SRRM3: variants seen among roughly 807,000 people sequenced by gnomAD.
SRRM3 encodes the protein serine/arginine repetitive matrix protein 3.
SRRM3 carries 27 observed loss-of-function variants against 66.2 expected under a neutral mutation model. The ratio of observed to expected loss-of-function variants is 0.41; its 90% CI spans 0.30 to 0.56. SRRM3 has a LOEUF of 0.56. Among genes scored for constraint, SRRM3 ranks in the 20% least tolerant of loss-of-function variants. The pLI, the probability that SRRM3 is intolerant of heterozygous loss-of-function variation, is 0.32. For missense variants in SRRM3, 918 were observed against 991.9 expected (o/e 0.93, Z 1.00); for synonymous variants, 391 against 414.9 (o/e 0.94, Z 0.70).
At position 76,281,788 on chromosome 7, in the gene SRRM3, C is replaced by A; in HGVS notation, c.1356C>A (p.Gly452=). The A allele has an allele frequency of 7.2e-7, 1 of 1,384,508 alleles. No individual in the cohort carries two copies. The highest frequency in any genetic ancestry group is 2.7e-4 in the Middle Eastern group (1 of 3,698). 85.8% of individuals were successfully genotyped at this position (1,384,508 alleles called of 1,614,324 possible). A position where few individuals can be genotyped will look rare whatever the true frequency, so the allele number is the denominator to read the frequency against. The change falls in exon 12 of 15, where the codon GGC becomes GGA. Residue 452 remains glycine (G), a synonymous_variant. Transcript: ENST00000611745. ...AGCCCGGCTCTGAGCGAGGCCACGG[C>A]GGACACGGGAAACGGTGAGCGTGCT... ...GPEPGSERGH[G]GHGKRAKERP... is the part of the protein sequence containing the mutation.
At chr7:76,248,875 G>A (rs1554606500) in intron 3 of SRRM3, among the ~76,000 whole-genome samples, 1 of 152,206 alleles carries the variant, frequency 6.6e-6, no homozygotes, top group Non-Finnish European at 1.5e-5. Context: ...AGCTACTTGG[G>A]AGGCTGAGGC....
Position 76,248,081 on chromosome 7 carries a change from T to C in SRRM3, c.234-107T>C, listed in dbSNP as rs946795257. ...TTGGACAGGTTATTGCAAGCCGGAG[T>C]GTGCACTTGTGACCCAGGGGTTGGC... On this transcript the variant is annotated intron_variant, in intron 2 of 14. Coordinates refer to ENST00000611745, the MANE Select transcript of SRRM3 (RefSeq NM_001110199.3). The C allele has an allele frequency of 2.5e-4, 188 of 766,862 alleles. 2 individuals carry two copies. The highest frequency in any genetic ancestry group is 4.9e-5 in the Non-Finnish European group (22 of 447,170). The allele number at this position is 766,862 out of a possible 1,614,324, so 47.5% of individuals were successfully genotyped here. A position where few individuals can be genotyped will look rare whatever the true frequency, so the allele number is the denominator to read the frequency against.
chr7:76,251,106 G>A (rs967445035), intron 3 of SRRM3, among the ~76,000 whole-genome samples: 6 of 152,206 alleles, frequency 3.9e-5, no homozygotes, highest in Admixed American at 6.5e-5. Flanking sequence ...GCGTGCTGCC[G>A]GCAGTCTCTA....
chr7:76,212,748 C>T (rs782006160), intron 1 of SRRM3, among the ~76,000 whole-genome samples: 5 of 152,118 alleles, frequency 3.3e-5, no homozygotes, highest in Non-Finnish European at 5.9e-5. Flanking sequence ...GGATTACAGG[C>T]GTGAGCCACT....
At chr7:76,265,849 TA>T (rs1563634559) in intron 10 of SRRM3, among the ~76,000 whole-genome samples, 346 of 10,518 alleles carry the variant, frequency 0.033, 9 homozygotes, top group East Asian at 0.041. Flanking sequence ...TATATATATA[TA>T]TATATATATT....
At position 76,235,265 on chromosome 7, in the gene SRRM3, T is replaced by G; in HGVS notation, c.199T>G (p.Cys67Gly). The G allele has an allele frequency of 6.5e-7, 1 of 1,536,340 alleles. No homozygotes were observed. The highest frequency in any genetic ancestry group is 8.7e-7 in the Non-Finnish European group (1 of 1,148,882). Residue 67 changes from cysteine to glycine, a missense_variant, in exon 2 of 15, where the codon TGC becomes GGC. By Grantham distance (159) the Cys-to-Gly change is radical (BLOSUM62 -3). Transcript: ENST00000611745. ...HERKRRVELK[C>G]MELQEMMEEQ... is the part of the protein sequence containing the mutation. Reference sequence around the variant, plus strand: ...GCGCAAGCGGCGGGTGGAGCTCAAGTGCATGGAGCTGCAGGAGATGATGGA... The same window carrying G: ...GCGCAAGCGGCGGGTGGAGCTCAAGGGCATGGAGCTGCAGGAGATGATGGA...
At chr7:76,282,248 T>C (rs1583946554) in intron 12 of SRRM3, among the ~76,000 whole-genome samples, 1 of 32,384 alleles carries the variant, frequency 3.1e-5, no homozygotes, top group Non-Finnish European at 6.0e-5. Context: ...GAGTTCTCCC[T>C]CCACTGATGC....
chr7:76,268,454 C>G (rs1235096701), intron 11 of SRRM3: 1 of 152,230 alleles, frequency 6.6e-6, no homozygotes, highest in Non-Finnish European at 1.5e-5. Flanking sequence ...AGACTGCCCC[C>G]CACCCAACCC....
At chr7:76,254,188 GT>G (rs1257203359) in intron 3 of SRRM3, among the ~76,000 whole-genome samples, 94 of 143,620 alleles carry the variant, frequency 6.5e-4, no homozygotes, top group Admixed American at 8.4e-4. Flanking sequence ...TGTTTTTTGG[GT>G]TTTTTTTTTT....
intron 3 of SRRM3, among the ~76,000 whole-genome samples, chr7:76,250,324 C>T (rs1176337732): frequency 1.3e-5 from 2 of 152,084 alleles, no homozygotes; most frequent in Admixed American, 6.6e-5. Context: ...CTCTGCCCCC[C>T]GGGTTCAAGC....
At chr7:76,282,581 A>ACCCCCCCCC in intron 12 of SRRM3, 67 bp from the exon 13 acceptor site, 1 of 579,420 alleles carries the variant, frequency 1.7e-6, no homozygotes, top group East Asian at 4.9e-5. Flanking sequence ...GCCCCAGGGA[A>ACCCCCCCCC]CCCTCCCCGC....
intron 1 of SRRM3, among the ~76,000 whole-genome samples, chr7:76,208,309 C>A (rs541211726): frequency 6.6e-6 from 1 of 152,124 alleles, no homozygotes; most frequent in Non-Finnish European, 1.5e-5. Flanking sequence ...TTTTTCTCTT[C>A]TGTAAAATGG....
chr7:76,261,371 C>T lies in SRRM3; in HGVS notation c.595C>T (p.Leu199Phe), dbSNP rs781927950. 11 of 1,599,052 alleles carry T rather than the reference C, an allele frequency of 6.9e-6. No individual in the cohort carries two copies. The Admixed American group carries it at 1.7e-4, about 25-fold the overall frequency. ...SECSCGSSSP[L>F]RKKKKSVKKH... ...CCACAGCTGTGGGAGCTCCTCACCCCTCCGCAAGAAGAAGAAGAGTGTGAA... is the reference window on the plus strand; with the variant it reads ...CCACAGCTGTGGGAGCTCCTCACCCTTCCGCAAGAAGAAGAAGAGTGTGAA... The change falls in exon 7 of 15, where the codon CTC becomes TTC. Residue 199 changes from leucine (L) to phenylalanine (F), a missense_variant. Physicochemically the swap from Leu to Phe is conservative, Grantham distance 22. Coordinates refer to ENST00000611745, the MANE Select transcript of SRRM3 (RefSeq NM_001110199.3).
intron 1 of SRRM3, among the ~76,000 whole-genome samples, chr7:76,223,373 G>T (rs782573070): frequency 3.3e-5 from 5 of 152,172 alleles, no homozygotes; most frequent in Non-Finnish European, 7.4e-5. Context: ...GGAAGGGAAG[G>T]GTCAGCAGGA....
intron 4 of SRRM3, 40 bp downstream of exon 4, chr7:76,260,074 C>CGGGG: frequency 7.5e-7 from 1 of 1,332,896 alleles, no homozygotes; most frequent in Non-Finnish European, 9.7e-7. Flanking sequence ...GCGCGCGGGG[C>CGGGG]TGCCCCCCCT....
At chr7:76,219,783 G>A (rs530763633) in intron 1 of SRRM3, among the ~76,000 whole-genome samples, 61 of 152,202 alleles carry the variant, frequency 4.0e-4, no homozygotes, top group African/African-American at 7.7e-4. Flanking sequence ...GGTGGCACAC[G>A]CCTGTAATCC....
At chr7:76,212,397 TC>T (rs1410608484) in intron 1 of SRRM3, among the ~76,000 whole-genome samples, 1 of 149,762 alleles carries the variant, frequency 6.7e-6, no homozygotes, top group Non-Finnish European at 1.5e-5. Context: ...CCTCAACTGA[TC>T]CTCCCACCTC....
At chr7:76,216,562 A>G (rs915069635) in intron 1 of SRRM3, among the ~76,000 whole-genome samples, 1 of 152,240 alleles carries the variant, frequency 6.6e-6, no homozygotes, top group Admixed American at 6.5e-5. Context: ...TACATGGAGC[A>G]GAGGAGGAAT....
chr7:76,273,270 C>A (rs1802257634), intron 11 of SRRM3: 1 of 152,298 alleles, frequency 6.6e-6, no homozygotes, highest in South Asian at 2.1e-4. Flanking sequence ...TGCTGCCAGC[C>A]CCTCTGTAGC....
Sources: gnomAD v4.1 joint callset for allele counts (sites outside exome capture counted in the v4.1 genomes callset) on GRCh38, gnomAD v4.1.1 for gene constraint, MANE v1.5 for transcripts, NCBI Gene and HGNC (gene_info 2026-07-23, HGNC 2026-07-21) for gene names.